Variants in SWAP70 observed in about 807,000 individuals in gnomAD.
The protein encoded by SWAP70 is switch-associated protein 70.
SWAP70 carries 34 observed loss-of-function variants against 80.2 expected under a neutral mutation model. That is an observed-to-expected ratio of 0.42 (90% CI 0.32 to 0.56). SWAP70 has a LOEUF of 0.56. SWAP70 is among the 20% of genes least tolerant of loss of function. The pLI is 0.09. For synonymous variants in SWAP70, 239 were observed against 238.5 expected (o/e 1.00, Z -0.02); for missense variants, 578 against 690.7 (o/e 0.84, Z 1.83).
rs34803928 is a variant in SWAP70 at position 9,714,970 on chromosome 11, C to CTTTT, written c.414+1348_414+1351dup. On this transcript the variant is annotated intron_variant, in intron 3 of 11. Transcript: ENST00000318950. ...TACAGGTGCCTGCCACCACACCTGC[C>CTTTT]TTTTTTTTTTTTTTTTTTTTAAGAA... Among the ~76,000 whole-genome samples, 644 of 109,974 alleles carry CTTTT rather than the reference C, an allele frequency of 5.9e-3. 16 individuals carry two copies. Among genetic ancestry groups the CTTTT allele is most frequent in the East Asian group, 0.043 (180 of 4,138 alleles). The allele number at this position is 109,974 out of a possible 152,430, so 72.1% of individuals were successfully genotyped here. A position where few individuals can be genotyped will look rare whatever the true frequency, so the allele number is the denominator to read the frequency against.
chr11:9,715,817 C>T (rs1851059109), intron 3 of SWAP70, among the ~76,000 whole-genome samples: 2 of 152,218 alleles, frequency 1.3e-5, no homozygotes, highest in Non-Finnish European at 2.9e-5. Context: ...GGTAGGGACA[C>T]AGCCAAACCA....
intron 1 of SWAP70, among the ~76,000 whole-genome samples, chr11:9,690,330 C>T (rs1337306278): frequency 6.6e-6 from 1 of 152,020 alleles, no homozygotes; most frequent in South Asian, 2.1e-4. Context: ...GCCTCTAATC[C>T]CAGCACGCAG....
chr11:9,744,187 C>T (rs1441210951), intron 9 of SWAP70, among the ~76,000 whole-genome samples: 4 of 152,174 alleles, frequency 2.6e-5, no homozygotes, highest in Admixed American at 2.6e-4. Flanking sequence ...TGGTCTTGAT[C>T]TCCTGACCTC....
chr11:9,688,573 G>A (rs950296622), intron 1 of SWAP70, among the ~76,000 whole-genome samples: 1 of 152,106 alleles, frequency 6.6e-6, no homozygotes, highest in African/African-American at 2.4e-5. Context: ...GCTGGCCTGT[G>A]GAGTGACTTA....
chr11:9,689,797 A>G (rs1465870081), intron 1 of SWAP70, among the ~76,000 whole-genome samples: 1 of 152,166 alleles, frequency 6.6e-6, no homozygotes, highest in African/African-American at 2.4e-5. Context: ...ACTTCTAGGT[A>G]TGTGGACTTC....
intron 4 of SWAP70, among the ~76,000 whole-genome samples, chr11:9,727,462 C>T (rs1296714803): frequency 8.5e-5 from 13 of 152,248 alleles, no homozygotes; most frequent in Admixed American, 5.2e-4. Flanking sequence ...TGGCCTCAAG[C>T]GATCCTCCTG....
Position 9,743,364 on chromosome 11 carries a change from G to T in SWAP70, c.1355+3017G>T, listed in dbSNP as rs542549528. Among the ~76,000 whole-genome samples the T allele has an allele frequency of 6.3e-3, 958 of 151,910 alleles. 8 individuals are homozygous for T. Among genetic ancestry groups the T allele is most frequent in the African/African-American group, 0.022 (900 of 41,316 alleles). ...GAATAATGCCGCAATAAACATACTT[G>T]TGCATGTGTCTTTATAGCAGCATGA... On this transcript the variant is annotated intron_variant, in intron 9 of 11. Transcript: ENST00000318950.
At chr11:9,667,482 G>A (rs887920529) in intron 1 of SWAP70, among the ~76,000 whole-genome samples, 26 of 151,742 alleles carry the variant, frequency 1.7e-4, no homozygotes, top group Admixed American at 3.3e-4. Context: ...GAACTCCTGA[G>A]CTCAAAGACA....
intron 1 of SWAP70, among the ~76,000 whole-genome samples, chr11:9,671,262 A>G (rs1345098586): frequency 3.2e-5 from 3 of 92,376 alleles, no homozygotes; most frequent in Non-Finnish European, 5.6e-5. Context: ...AAAAATATAT[A>G]AAATATATTT....
At chr11:9,727,339 G>A (rs1457068961) in intron 4 of SWAP70, among the ~76,000 whole-genome samples, 2 of 152,068 alleles carry the variant, frequency 1.3e-5, no homozygotes, top group Non-Finnish European at 2.9e-5. Context: ...GCAGTGAGCC[G>A]AGATTGCACC....
At chr11:9,712,990 C>T (rs189333341) in intron 2 of SWAP70, among the ~76,000 whole-genome samples, 14 of 152,316 alleles carry the variant, frequency 9.2e-5, no homozygotes, top group Non-Finnish European at 1.6e-4. Context: ...GGCCACCATG[C>T]CCAGCCTCTT....
At chr11:9,693,028 A>C (rs1441860895) in intron 1 of SWAP70, among the ~76,000 whole-genome samples, 1 of 152,218 alleles carries the variant, frequency 6.6e-6, no homozygotes, top group Non-Finnish European at 1.5e-5. Context: ...ATAGATTAAA[A>C]ATGTTTAATC....
chr11:9,737,832 G>C (rs531543733), intron 7 of SWAP70, among the ~76,000 whole-genome samples: 8 of 152,234 alleles, frequency 5.3e-5, no homozygotes, highest in Admixed American at 4.6e-4. Context: ...GGAGGTGGAG[G>C]TTGCAGTGAG....
At chr11:9,688,209 G>C (rs1850655407) in intron 1 of SWAP70, among the ~76,000 whole-genome samples, 2 of 152,216 alleles carry the variant, frequency 1.3e-5, no homozygotes, top group Admixed American at 6.5e-5. Context: ...GTTATTGAAA[G>C]TCTTCTGGAT....
chr11:9,732,464 A>T, intron 6 of SWAP70, 65 bp from the exon 7 acceptor site: 1 of 1,480,804 alleles, frequency 6.8e-7, no homozygotes, highest in East Asian at 2.5e-5. Flanking sequence ...TGCCATTTGC[A>T]TAGTAGGCTT....
chr11:9,702,232 C>T (rs184391524), intron 2 of SWAP70, among the ~76,000 whole-genome samples: 193 of 152,200 alleles, frequency 1.3e-3, no homozygotes, highest in African/African-American at 4.5e-3. Flanking sequence ...AATGAAATGA[C>T]TCCCTTCAGT....
chr11:9,713,734 G>A, intron 3 of SWAP70, 95 bp downstream of exon 3: 2 of 1,362,742 alleles, frequency 1.5e-6, no homozygotes, highest in African/African-American at 1.5e-5. Flanking sequence ...AGATATGGAA[G>A]GAGATCCTTG....
intron 1 of SWAP70, among the ~76,000 whole-genome samples, chr11:9,693,476 A>G (rs995329974): frequency 6.6e-6 from 1 of 152,076 alleles, no homozygotes; most frequent in African/African-American, 2.4e-5. Flanking sequence ...TATTTTTGCT[A>G]TTTAATTTTT....
chr11:9,732,846 G>GA (rs1851318195), intron 7 of SWAP70, 136 bp downstream of exon 7: 2 of 837,258 alleles, frequency 2.4e-6, no homozygotes, highest in Non-Finnish European at 1.8e-6. Flanking sequence ...ACTGTTCTCA[G>GA]AAGTGTTTCC....
Sources: gnomAD v4.1 joint callset for allele counts (sites outside exome capture counted in the v4.1 genomes callset) on GRCh38, gnomAD v4.1.1 for gene constraint, MANE v1.5 for transcripts, NCBI Gene and HGNC (gene_info 2026-07-23, HGNC 2026-07-21) for gene names.